Variants in HDAC9 observed in about 807,000 individuals in gnomAD.
HDAC9 encodes the protein histone deacetylase 9.
A neutral mutation model predicts 139.4 loss-of-function variants in HDAC9; 41 were observed. The observed-to-expected ratio is 0.29, with a 90% CI of 0.23 to 0.38. The LOEUF (loss-of-function observed/expected upper bound fraction) is 0.38. Ranked by LOEUF, HDAC9 falls within the 10% of genes least tolerant of loss-of-function variation. The pLI is 1.00. For synonymous variants in HDAC9, 517 were observed against 476.2 expected (o/e 1.09, Z -1.12); for missense variants, 1,147 against 1,297.0 (o/e 0.88, Z 1.78).
At chr7:18,274,986 A>G (rs2128216503) in intron 2 of HDAC9, among the ~76,000 whole-genome samples, 1 of 152,320 alleles carries the variant, frequency 6.6e-6, no homozygotes, top group African/African-American at 2.4e-5. Flanking sequence ...TTTACGTGAC[A>G]GTAGCCCCAA....
At chr7:18,604,519 G>T (rs1182950647) in intron 6 of HDAC9, among the ~76,000 whole-genome samples, 1 of 151,206 alleles carries the variant, frequency 6.6e-6, no homozygotes, top group South Asian at 2.1e-4. Context: ...CCATTCTCCT[G>T]CCTCAGCCTC....
intron 21 of HDAC9, among the ~76,000 whole-genome samples, chr7:18,837,089 G>T (rs1208452216): frequency 6.6e-6 from 1 of 151,580 alleles, no homozygotes; most frequent in Non-Finnish European, 1.5e-5. Context: ...GAGAAAGCAG[G>T]TCCAGGAAAA....
At chr7:18,865,859 T>C (rs1798454187) in intron 21 of HDAC9, among the ~76,000 whole-genome samples, 1 of 151,920 alleles carries the variant, frequency 6.6e-6, no homozygotes, top group African/African-American at 2.4e-5. Flanking sequence ...AATTTTATAA[T>C]ATGATGCTTT....
intron 1 of HDAC9, among the ~76,000 whole-genome samples, chr7:18,111,554 A>G (rs1028523395): frequency 1.3e-5 from 2 of 152,232 alleles, no homozygotes; most frequent in African/African-American, 2.4e-5. Flanking sequence ...TAGTGTTTGC[A>G]TATAATCCAT....
At chr7:18,159,392 G>A (rs1352655888) in intron 1 of HDAC9, among the ~76,000 whole-genome samples, 1 of 152,190 alleles carries the variant, frequency 6.6e-6, no homozygotes. Flanking sequence ...TTTGGATAAA[G>A]AAGTGTGGGA....
intron 1 of HDAC9, among the ~76,000 whole-genome samples, chr7:18,154,905 C>T (rs58495781): frequency 0.022 from 3,377 of 152,212 alleles, 131 homozygotes; most frequent in African/African-American, 0.076. Flanking sequence ...CATGCTTGGT[C>T]GGCAGTTTTC....
chr7:18,177,007 C>T (rs1286983195), intron 2 of HDAC9, among the ~76,000 whole-genome samples: 1 of 152,138 alleles, frequency 6.6e-6, no homozygotes, highest in Non-Finnish European at 1.5e-5. Context: ...TGTACACTAT[C>T]GAGTCTTTGA....
intron 15 of HDAC9, among the ~76,000 whole-genome samples, chr7:18,765,486 G>A (rs1789752226): frequency 6.6e-6 from 1 of 152,056 alleles, no homozygotes; most frequent in Non-Finnish European, 1.5e-5. Flanking sequence ...CAGGCATGGT[G>A]ATGCGCACCT....
intron 14 of HDAC9, among the ~76,000 whole-genome samples, chr7:18,753,130 G>T (rs1386568164): frequency 1.3e-5 from 2 of 152,064 alleles, no homozygotes; most frequent in Non-Finnish European, 2.9e-5. Flanking sequence ...TACATCCCCT[G>T]TCTTCAAGAA....
intron 2 of HDAC9, among the ~76,000 whole-genome samples, chr7:18,284,007 C>T (rs1797273599): frequency 6.6e-6 from 1 of 152,150 alleles, no homozygotes; most frequent in African/African-American, 2.4e-5. Context: ...TAAGGTTAAA[C>T]CCTGCCTCAT....
At chr7:18,926,277 A>C (rs1428701308) in intron 22 of HDAC9, among the ~76,000 whole-genome samples, 1 of 152,000 alleles carries the variant, frequency 6.6e-6, no homozygotes, top group African/African-American at 2.4e-5. Context: ...GGGCCCTGTA[A>C]TTTTAGGTTA....
chr7:18,425,926 G>T (rs914553120), intron 1 of HDAC9, among the ~76,000 whole-genome samples: 1 of 152,208 alleles, frequency 6.6e-6, no homozygotes, highest in Non-Finnish European at 1.5e-5. Context: ...CAAGCCAGAA[G>T]ATATTTTTTA....
intron 16 of HDAC9, among the ~76,000 whole-genome samples, chr7:18,792,551 C>G (rs533668604): frequency 2.0e-5 from 3 of 152,112 alleles, no homozygotes; most frequent in South Asian, 2.1e-4. Context: ...AAAGGGTAAA[C>G]AGCATTTTAT....
intron 1 of HDAC9, among the ~76,000 whole-genome samples, chr7:18,396,697 C>T (rs1052432424): frequency 6.6e-6 from 1 of 152,030 alleles, no homozygotes; most frequent in African/African-American, 2.4e-5. Flanking sequence ...CTTAAAAATT[C>T]CAGGTTTCTA....
At chr7:18,399,011 T>G (rs1345547694) in intron 1 of HDAC9, among the ~76,000 whole-genome samples, 3 of 152,208 alleles carry the variant, frequency 2.0e-5, no homozygotes, top group Non-Finnish European at 4.4e-5. Flanking sequence ...TTAAAAAATT[T>G]CACCTTATAG....
intron 1 of HDAC9, among the ~76,000 whole-genome samples, chr7:18,388,710 G>A (rs1786180492): frequency 6.6e-6 from 1 of 152,128 alleles, no homozygotes; most frequent in African/African-American, 2.4e-5. Flanking sequence ...GAGTCCATCT[G>A]AAACAACAGA....
At chr7:18,835,623 T>C (rs368214666) in intron 20 of HDAC9, 37 bp downstream of exon 20, 10 of 1,612,866 alleles carry the variant, frequency 6.2e-6, no homozygotes, top group Admixed American at 5.0e-5. Flanking sequence ...CTTTTATTTG[T>C]ATCTTTCAGG....
chr7:18,695,784 A>G (rs1249171053), intron 12 of HDAC9, among the ~76,000 whole-genome samples: 3 of 152,180 alleles, frequency 2.0e-5, no homozygotes, highest in African/African-American at 4.8e-5. Flanking sequence ...CTTAAGAAAA[A>G]TCTATACCTA....
intron 5 of HDAC9, among the ~76,000 whole-genome samples, chr7:18,593,039 A>G (rs1372438863): frequency 1.3e-5 from 2 of 152,270 alleles, no homozygotes; most frequent in East Asian, 1.9e-4. Context: ...ATTGAACTTC[A>G]GTAGAGTCCA....
Sources: gnomAD v4.1 joint callset for allele counts (sites outside exome capture counted in the v4.1 genomes callset) on GRCh38, gnomAD v4.1.1 for gene constraint, MANE v1.5 for transcripts, NCBI Gene and HGNC (gene_info 2026-07-23, HGNC 2026-07-21) for gene names.